Variants in SPOCK3 observed in about 807,000 individuals in gnomAD.
SPOCK3 encodes the protein SPARC (osteonectin), cwcv and kazal like domains proteoglycan 3.
A neutral mutation model predicts 56.6 loss-of-function variants in SPOCK3; 30 were observed. The ratio of observed to expected loss-of-function variants is 0.53; its 90% CI spans 0.40 to 0.72. SPOCK3 has a LOEUF of 0.72. Ranked by LOEUF, SPOCK3 falls within the 30% of genes least tolerant of loss-of-function variation. The pLI is 0.00. For missense variants in SPOCK3, 527 were observed against 530.0 expected, an observed-to-expected ratio of 0.99 and a Z score of 0.06; for synonymous variants, 196 against 183.3, an observed-to-expected ratio of 1.07 and a Z score of -0.56.
At chr4:166,960,243 G>A (rs1169648290) in intron 4 of SPOCK3, among the ~76,000 whole-genome samples, 1 of 152,076 alleles carries the variant, frequency 6.6e-6, no homozygotes, top group African/African-American at 2.4e-5. Context: ...AGGCTGATAT[G>A]GAGAATGCAA....
At chr4:166,927,452 T>G (rs1056478871) in intron 4 of SPOCK3, among the ~76,000 whole-genome samples, 2 of 152,216 alleles carry the variant, frequency 1.3e-5, no homozygotes, top group Non-Finnish European at 2.9e-5. Flanking sequence ...TGAGGCTTTC[T>G]CAACCACGTG....
intron 2 of SPOCK3, among the ~76,000 whole-genome samples, chr4:167,153,798 TAACA>T (rs1435059357): frequency 6.6e-6 from 1 of 152,194 alleles, no homozygotes; most frequent in Non-Finnish European, 1.5e-5. Flanking sequence ...AGTCATCAAC[TAACA>T]AAGACAATTA....
chr4:166,986,470 T>A (rs545431178), intron 4 of SPOCK3, among the ~76,000 whole-genome samples: 1 of 152,170 alleles, frequency 6.6e-6, no homozygotes, highest in South Asian at 2.1e-4. Context: ...GGTGTCCCCT[T>A]AGCCTGTCTG....
At chr4:167,081,936 A>C (rs1212356984) in intron 2 of SPOCK3, among the ~76,000 whole-genome samples, 1 of 152,006 alleles carries the variant, frequency 6.6e-6, no homozygotes, top group Non-Finnish European at 1.5e-5. Context: ...TCCTAATGTC[A>C]AGCTGTAGTA....
At chr4:167,014,246 C>T (rs1163719707) in intron 3 of SPOCK3, among the ~76,000 whole-genome samples, 1 of 150,070 alleles carries the variant, frequency 6.7e-6, no homozygotes, top group East Asian at 2.0e-4. Context: ...TCACCACTTC[C>T]CTAAATAAAT....
intron 4 of SPOCK3, among the ~76,000 whole-genome samples, chr4:166,958,444 T>C (rs35699779): frequency 0.027 from 4,146 of 152,270 alleles, 79 homozygotes; most frequent in Non-Finnish European, 0.047. Context: ...ATACACCTCC[T>C]TTGCCACTAA....
chr4:166,827,859 A>G (rs1374553656), intron 6 of SPOCK3, among the ~76,000 whole-genome samples: 15 of 151,464 alleles, frequency 9.9e-5, no homozygotes, highest in Admixed American at 9.2e-4. Flanking sequence ...AAACTGTATG[A>G]CTGAATGTAA....
At chr4:167,002,708 TA>T (rs574926654) in intron 3 of SPOCK3, among the ~76,000 whole-genome samples, 5 of 152,014 alleles carry the variant, frequency 3.3e-5, no homozygotes, top group South Asian at 4.2e-4. Flanking sequence ...CATCATTAGG[TA>T]AAAAAAAGCT....
chr4:167,228,325 A>C (rs776535628), intron 2 of SPOCK3, among the ~76,000 whole-genome samples: 4 of 152,158 alleles, frequency 2.6e-5, no homozygotes, highest in Non-Finnish European at 4.4e-5. Flanking sequence ...TGTTTCTCTT[A>C]CTTACACTTT....
intron 4 of SPOCK3, among the ~76,000 whole-genome samples, chr4:166,969,477 A>C (rs1745130837): frequency 7.8e-6 from 1 of 128,650 alleles, no homozygotes; most frequent in Non-Finnish European, 1.7e-5. Flanking sequence ...TTTTCATGAG[A>C]TCTAGTTGTT....
intron 2 of SPOCK3, among the ~76,000 whole-genome samples, chr4:167,154,197 C>T (rs1764630261): frequency 1.3e-5 from 2 of 152,060 alleles, no homozygotes; most frequent in Admixed American, 1.3e-4. Context: ...TTGTCACACA[C>T]ACATACACAC....
intron 2 of SPOCK3, among the ~76,000 whole-genome samples, chr4:167,145,408 T>G (rs1004265332): frequency 2.6e-5 from 4 of 152,036 alleles, no homozygotes; most frequent in South Asian, 2.1e-4. Context: ...CATATAATGT[T>G]TTTTAAGCCA....
intron 5 of SPOCK3, among the ~76,000 whole-genome samples, chr4:166,899,691 A>G (rs1442760093): frequency 6.6e-6 from 1 of 151,422 alleles, no homozygotes; most frequent in Non-Finnish European, 1.5e-5. Context: ...TAATTTTTGT[A>G]TTTTTAGTAC....
rs1030293671 is a variant in SPOCK3, at chr4:166,800,719, T to C, written c.590-8430A>G. On this transcript the variant is annotated intron_variant, in intron 6 of 10. Coordinates refer to ENST00000357545, the MANE Select transcript of SPOCK3 (RefSeq NM_001040159.2). ...ATACAGTATCAAAAAGTTAAAAAAA[T>C]TAAAAGTTTATAAAGTAAAAAAGTT... Among the ~76,000 whole-genome samples, 3 of 152,272 alleles carry C rather than the reference T, an allele frequency of 2.0e-5. No homozygotes were observed. In the South Asian group the frequency reaches 6.2e-4, roughly 32 times the overall value.
intron 4 of SPOCK3, among the ~76,000 whole-genome samples, chr4:166,990,359 G>A (rs981877582): frequency 7.7e-4 from 117 of 151,608 alleles, no homozygotes; most frequent in African/African-American, 2.7e-3. Flanking sequence ...CCTGCATGTT[G>A]TGCACATGTA....
At chr4:166,838,719 C>T (rs1432756876) in intron 6 of SPOCK3, among the ~76,000 whole-genome samples, 13 of 138,336 alleles carry the variant, frequency 9.4e-5, no homozygotes, top group East Asian at 8.3e-4. Context: ...TTTGGGAGGC[C>T]GTGAGCGGAT....
In SPOCK3 at chr4:167,046,450, C is replaced by CTTTTTTTTTTTTTTTTTTTTTTTTTTTTT. The variant is rs67108499; in HGVS notation, c.235+16041_235+16042insAAAAAAAAAAAAAAAAAAAAAAAAAAAAA. 2.0e-4 allele frequency among the ~76,000 whole-genome samples: 11 copies of CTTTTTTTTTTTTTTTTTTTTTTTTTTTTT among 53,706 alleles called. 1 individual carries two copies. The highest frequency in any genetic ancestry group is 3.3e-4 in the Non-Finnish European group (10 of 30,068). 35.2% of individuals were successfully genotyped at this position (53,706 alleles called of 152,430 possible). A position where few individuals can be genotyped will look rare whatever the true frequency, so the allele number is the denominator to read the frequency against. ...TTATCTTTTTTTTCTTTCTGATATT[C>CTTTTTTTTTTTTTTTTTTTTTTTTTTTTT]TTTTTTTTTTTTTTTTTTTTTTTTT... On this transcript the variant is annotated intron_variant, in intron 3 of 10. Coordinates refer to ENST00000357545, the MANE Select transcript of SPOCK3 (RefSeq NM_001040159.2).
At chr4:166,877,248 A>AG (rs1348968124) in intron 6 of SPOCK3, among the ~76,000 whole-genome samples, 1 of 152,210 alleles carries the variant, frequency 6.6e-6, no homozygotes, top group African/African-American at 2.4e-5. Flanking sequence ...TGAACCTTTC[A>AG]GAGCCATTTT....
At chr4:166,958,439 C>T (rs536327999) in intron 4 of SPOCK3, among the ~76,000 whole-genome samples, 11 of 152,242 alleles carry the variant, frequency 7.2e-5, no homozygotes, top group African/African-American at 2.2e-4. Context: ...AACTAATACA[C>T]CTCCTTTGCC....
Sources: allele counts gnomAD v4.1 joint callset (sites outside exome capture counted in the v4.1 genomes callset), GRCh38; gene constraint gnomAD v4.1.1; transcripts MANE v1.5; gene names NCBI Gene and HGNC (gene_info 2026-07-23, HGNC 2026-07-21).